Variants in SPINT2 observed in about 807,000 individuals in gnomAD.
SPINT2 encodes kunitz-type protease inhibitor 2.
SPINT2 carries 18 observed loss-of-function variants against 30.1 expected under a neutral mutation model. The observed-to-expected ratio is 0.60, with a 90% confidence interval of 0.41 to 0.89. The LOEUF (loss-of-function observed/expected upper bound fraction) is 0.89. SPINT2 is among the 40% of genes least tolerant of loss of function. The probability of loss-of-function intolerance (pLI) is 0.00; values close to 1 mark genes in which losing one functional copy is unlikely to be tolerated. For synonymous variants in SPINT2, 139 were observed against 137.9 expected (o/e 1.01, Z -0.05); for missense variants, 276 against 334.3 (o/e 0.83, Z 1.36).
rs532483482 is a variant in SPINT2 at position 38,265,931 on chromosome 19, A to G, written c.106+933A>G. Among the ~76,000 whole-genome samples, 6 of 152,342 alleles carry G rather than the reference A, an allele frequency of 3.9e-5. No homozygotes were observed. The South Asian group carries it at 1.0e-3, about 26-fold the overall frequency. On this transcript the variant is annotated intron_variant, in intron 1 of 6. Coordinates refer to ENST00000301244, the MANE Select transcript of SPINT2 (RefSeq NM_021102.4). ...AGTGAAGGTTTAAAAAGCACTTGCC[A>G]TGAGATTAAGTTACTGAGAATTAAA...
chr19:38,273,504 A>G (rs1054952635), intron 1 of SPINT2, among the ~76,000 whole-genome samples: 2 of 152,120 alleles, frequency 1.3e-5, no homozygotes, highest in African/African-American at 4.8e-5. Context: ...CGGCCTCAGT[A>G]CCTCTTTTTA....
intron 1 of SPINT2, among the ~76,000 whole-genome samples, chr19:38,266,357 CAA>C (rs1968378309): frequency 6.7e-6 from 1 of 148,606 alleles, no homozygotes. Context: ...GCTTGGGCAA[CAA>C]GAGTGAAACT....
intron 2 of SPINT2, among the ~76,000 whole-genome samples, chr19:38,286,859 A>T (rs1340905582): frequency 6.6e-6 from 1 of 152,152 alleles, no homozygotes; most frequent in East Asian, 1.9e-4. Flanking sequence ...CAAAGAGATT[A>T]GGTCTTTTTA....
At position 38,273,958 on chromosome 19, in the gene SPINT2, C is replaced by T. The variant is rs144133445; in HGVS notation, c.106+8960C>T. On this transcript the variant is annotated intron_variant, in intron 1 of 6. Transcript: ENST00000301244. ...TAAAAGTTTTGTGCTAGGCCAGGTG[C>T]GGTGGCTCACGCCTGTAATCCCAGC... Among the ~76,000 whole-genome samples, 51 of 152,260 alleles carry T rather than the reference C, an allele frequency of 3.3e-4. 2 individuals are homozygous for T. The highest frequency in any genetic ancestry group is 3.4e-3 in the Middle Eastern group (1 of 294).
At chr19:38,266,332 C>T (rs902921260) in intron 1 of SPINT2, among the ~76,000 whole-genome samples, 7 of 151,240 alleles carry the variant, frequency 4.6e-5, no homozygotes, top group Admixed American at 2.0e-4. Context: ...GCCAAGATCG[C>T]GCCACTGCAT....
At chr19:38,280,359 A>G (rs1968566741) in intron 1 of SPINT2, among the ~76,000 whole-genome samples, 1 of 152,192 alleles carries the variant, frequency 6.6e-6, no homozygotes, top group Non-Finnish European at 1.5e-5. Context: ...GACTTCAAGC[A>G]TCGTGTTCCA....
chr19:38,277,309 A>G lies in SPINT2; in HGVS notation c.107-6318A>G, dbSNP rs1235536727. ...CACCCAGGCCTGAGTGCAGTGGCGC[A>G]ATCTCAGCTCACTGCATCCTCTGCC... is the stretch of plus-strand genomic sequence containing the variant. On this transcript the variant is annotated intron_variant, in intron 1 of 6. Coordinates refer to ENST00000301244, the MANE Select transcript of SPINT2 (RefSeq NM_021102.4). Among the ~76,000 whole-genome samples, 6 of 151,962 alleles carry G rather than the reference A, an allele frequency of 3.9e-5. No individual in the cohort carries two copies. In the East Asian group the frequency reaches 1.2e-3, roughly 29 times the overall value.
intron 2 of SPINT2, among the ~76,000 whole-genome samples, chr19:38,286,693 G>C (rs1243767653): frequency 6.6e-6 from 1 of 152,220 alleles, no homozygotes; most frequent in African/African-American, 2.4e-5. Flanking sequence ...TGAGGCAGGA[G>C]AATGGTGTGA....
chr19:38,277,405 C>T (rs144704149), intron 1 of SPINT2, among the ~76,000 whole-genome samples: 146 of 151,864 alleles, frequency 9.6e-4, no homozygotes, highest in African/African-American at 3.2e-3. Flanking sequence ...CCACCACACC[C>T]GGCTCATTTT....
chr19:38,283,379 G>A (rs1262143673), intron 1 of SPINT2, among the ~76,000 whole-genome samples: 7 of 152,156 alleles, frequency 4.6e-5, no homozygotes, highest in Admixed American at 4.6e-4. Context: ...GGGGACAGGG[G>A]ACAAAACACA....
intron 3 of SPINT2, chr19:38,288,893 G>A (rs1968675807): frequency 1.9e-6 from 1 of 537,340 alleles, no homozygotes; most frequent in Non-Finnish European, 3.4e-6. Flanking sequence ...ATTAGGAGCT[G>A]TGGCAGGCTT....
intron 6 of SPINT2, chr19:38,291,581 G>C (rs532839737): frequency 1.6e-5 from 8 of 499,328 alleles, no homozygotes; most frequent in African/African-American, 1.3e-4. Flanking sequence ...AAGGAACACA[G>C]ATGACTACTC....
chr19:38,272,546 A>T, intron 1 of SPINT2, among the ~76,000 whole-genome samples: 1 of 152,200 alleles, frequency 6.6e-6, no homozygotes. Flanking sequence ...AACAGCAGAC[A>T]GTTTCTTAGA....
chr19:38,288,463 A>C, intron 3 of SPINT2: 1 of 243,344 alleles, frequency 4.1e-6, no homozygotes, highest in Non-Finnish European at 8.2e-6. Flanking sequence ...TTCCTCCTTT[A>C]TGGTTTAAGG....
intron 1 of SPINT2, among the ~76,000 whole-genome samples, chr19:38,270,645 C>T (rs914235694): frequency 6.6e-6 from 1 of 152,176 alleles, no homozygotes; most frequent in South Asian, 2.1e-4. Flanking sequence ...GAGACTGGCC[C>T]CTTTCCACTG....
intron 1 of SPINT2, chr19:38,265,673 G>T (rs1440280865): frequency 1.3e-5 from 2 of 152,272 alleles, no homozygotes; most frequent in African/African-American, 4.8e-5. Flanking sequence ...CACTCTTAAG[G>T]AAGTGTGGTC....
intron 3 of SPINT2, among the ~76,000 whole-genome samples, chr19:38,288,242 G>A (rs528093571): frequency 6.6e-6 from 1 of 152,030 alleles, no homozygotes; most frequent in Non-Finnish European, 1.5e-5. Context: ...CTTGCTGTGC[G>A]GGCCTCCAGC....
intron 3 of SPINT2, chr19:38,288,930 G>A (rs993749733): frequency 2.4e-5 from 14 of 574,770 alleles, no homozygotes; most frequent in East Asian, 5.9e-5. Flanking sequence ...CTGAGGTGGC[G>A]GCAGGGCCAC....
intron 1 of SPINT2, among the ~76,000 whole-genome samples, chr19:38,280,170 C>A (rs1248790417): frequency 2.0e-5 from 3 of 152,124 alleles, no homozygotes; most frequent in Non-Finnish European, 4.4e-5. Flanking sequence ...CAGAAAGCAT[C>A]CAAGCTAGAA....
Sources: allele counts gnomAD v4.1 joint callset (sites outside exome capture counted in the v4.1 genomes callset), GRCh38; gene constraint gnomAD v4.1.1; transcripts MANE v1.5; gene names NCBI Gene and HGNC (gene_info 2026-07-23, HGNC 2026-07-21).